Variants in SREBF2 observed in about 807,000 individuals in gnomAD.
SREBF2 encodes the protein sterol regulatory element binding transcription factor 2, also known as sterol regulatory element-binding protein 2.
In SREBF2, 55 loss-of-function variants were observed where a neutral mutation model predicts 113.1. The ratio of observed to expected loss-of-function variants is 0.49; its 90% CI spans 0.39 to 0.61. The LOEUF is 0.61. SREBF2 is among the 20% of genes least tolerant of loss of function. SREBF2 has a pLI of 0.00. For synonymous variants in SREBF2, 593 were observed against 605.7 expected, an observed-to-expected ratio of 0.98 and a Z score of 0.31; for missense variants, 1,349 against 1,487.4, an observed-to-expected ratio of 0.91 and a Z score of 1.53.
At chr22:41,863,974 T>C (rs1219457979) in intron 1 of SREBF2, among the ~76,000 whole-genome samples, 1 of 151,562 alleles carries the variant, frequency 6.6e-6, no homozygotes, top group Non-Finnish European at 1.5e-5. Flanking sequence ...AACCTCTGCC[T>C]CCTGGGTTCA....
chr22:41,905,582 G>C lies in SREBF2; in HGVS notation c.3348G>C (p.Val1116=). The C allele has an allele frequency of 3.1e-6, 5 of 1,598,494 alleles. No individual in the cohort carries two copies. Among genetic ancestry groups the C allele is most frequent in the Non-Finnish European group, 4.3e-6 (5 of 1,173,474 alleles). Residue 1116 remains valine, a synonymous_variant, in exon 19 of 19, where the codon GTG becomes GTC. Transcript: ENST00000361204. Reference sequence around the variant, plus strand: ...AAGCTGCCCGCACCCTGGAGAAGGTGGGCGACCGGCGCTCCTGCAACGACT... The same window carrying C: ...AAGCTGCCCGCACCCTGGAGAAGGTCGGCGACCGGCGCTCCTGCAACGACT... ...LAEAARTLEK[V]GDRRSCNDCQ... is the part of the protein sequence containing the mutation.
Position 41,833,533 on chromosome 22 carries a change from G to T in SREBF2, c.88+175G>T. ...CTTCCGGCGCTGCGAGCGTGAGCCC[G>T]ACCCAGCTGCGCCGCTCCGGGAGGC... On this transcript the variant is annotated intron_variant, in intron 1 of 18. Transcript: ENST00000361204. This position sits in a 1 kb window ranked among gnomAD's most constrained non-coding sequence, Gnocchi z 4.1. 2.0e-6 allele frequency: 1 copy of T among 511,550 alleles called. No individual in the cohort carries two copies. The highest frequency in any genetic ancestry group is 3.3e-6 in the Non-Finnish European group (1 of 302,434). The allele number at this position is 511,550 out of a possible 1,614,324, so 31.7% of individuals were successfully genotyped here.
intron 15 of SREBF2, 31 bp from the exon 16 acceptor site, chr22:41,900,299 C>T (rs1230317064): frequency 1.2e-5 from 20 of 1,606,868 alleles, no homozygotes; most frequent in Non-Finnish European, 1.7e-5. Context: ...CACATAGTGA[C>T]CTGCCTCTCG....
chr22:41,898,609 C>T (rs199784565), intron 14 of SREBF2, 40 bp from the exon 15 acceptor site: 3 of 1,613,384 alleles, frequency 1.9e-6, no homozygotes, highest in East Asian at 2.2e-5. Context: ...GGTCTCGTTT[C>T]TGTGGGTGCT....
At chr22:41,901,102 T>TG in intron 16 of SREBF2, 1 of 406,476 alleles carries the variant, frequency 2.5e-6, no homozygotes, top group East Asian at 7.7e-5. Context: ...CTGCCACTGT[T>TG]GGGGCCCAAG....
rs370587715 is a variant in SREBF2, at chr22:41,894,871, G to A, written c.2429G>A (p.Arg810Gln). 2.5e-6 allele frequency: 4 copies of A among 1,613,964 alleles called. No individual in the cohort carries two copies. The highest frequency in any genetic ancestry group is 1.7e-5 in the Admixed American group (1 of 60,000). The change falls in exon 13 of 19, where the codon CGA becomes CAA. Residue 810 changes from arginine to glutamine, a missense_variant. Arg to Gln is a conservative substitution (Grantham distance 43, BLOSUM62 1). Coordinates refer to ENST00000361204, the MANE Select transcript of SREBF2 (RefSeq NM_004599.4). ...HQAFCKNLLE[R>Q]AIESLVKPQA... ...GCCTTCTGCAAGAACCTGCTGGAGCGAGCTATAGAGTCCTTGGTGAAACCT... is the reference window on the plus strand; with the variant it reads ...GCCTTCTGCAAGAACCTGCTGGAGCAAGCTATAGAGTCCTTGGTGAAACCT...
rs1244981750 is a variant in SREBF2 at position 41,884,864 on chromosome 22, C to T, written c.2061C>T (p.Ala687=). The T allele has an allele frequency of 1.2e-6, 2 of 1,614,250 alleles. No individual in the cohort carries two copies. Among genetic ancestry groups the T allele is most frequent in the Admixed American group, 3.3e-5 (2 of 60,028 alleles). ...TAGGGAAGCTTCCTGCAGGATCCGC[C>T]TGTTCCGATGTACACATGGCGTTGT... ...HITGKLPAGS[A]CSDVHMALCA... is the part of the protein sequence containing the mutation. Residue 687 remains alanine (A), a synonymous_variant, in exon 11 of 19, where the codon GCC becomes GCT. Coordinates refer to ENST00000361204, the MANE Select transcript of SREBF2 (RefSeq NM_004599.4).
intron 11 of SREBF2, among the ~76,000 whole-genome samples, chr22:41,886,460 G>T (rs1470753279): frequency 1.3e-5 from 2 of 152,018 alleles, no homozygotes; most frequent in Non-Finnish European, 2.9e-5. Context: ...TAACTTCCAT[G>T]CCCCCCAAAA....
chr22:41,847,695 A>G lies in SREBF2; in HGVS notation c.88+14337A>G, dbSNP rs553837895. Among the ~76,000 whole-genome samples, 7 of 152,272 alleles carry G rather than the reference A, an allele frequency of 4.6e-5. No homozygotes were observed. The East Asian group carries it at 9.7e-4, about 21-fold the overall frequency. On this transcript the variant is annotated intron_variant, in intron 1 of 18. Coordinates refer to ENST00000361204, the MANE Select transcript of SREBF2 (RefSeq NM_004599.4). ...AAGTTACTTAGCCTCTGAGTGCCTC[A>G]TTTTCCTTACCTGTAAAGTGGAGAT...
intron 16 of SREBF2, chr22:41,901,147 C>T (rs2077462665): frequency 2.8e-6 from 1 of 362,388 alleles, no homozygotes; most frequent in Non-Finnish European, 5.5e-6. Flanking sequence ...GGGCACCCAG[C>T]TGAAAGTGGA....
chr22:41,841,515 A>C (rs1477984691), intron 1 of SREBF2, among the ~76,000 whole-genome samples: 2 of 152,160 alleles, frequency 1.3e-5, no homozygotes, highest in African/African-American at 2.4e-5. Context: ...CTTGACAAAC[A>C]TTCCCCACAT....
At chr22:41,842,507 T>A (rs1245233216) in intron 1 of SREBF2, among the ~76,000 whole-genome samples, 4 of 152,248 alleles carry the variant, frequency 2.6e-5, no homozygotes, top group Non-Finnish European at 5.9e-5. Flanking sequence ...CCAGTCCTTT[T>A]TTGATGGACA....
chr22:41,855,665 C>T (rs1569379363), intron 1 of SREBF2, among the ~76,000 whole-genome samples: 2 of 152,060 alleles, frequency 1.3e-5, no homozygotes, highest in Non-Finnish European at 1.5e-5. Context: ...GAGCCTTAAT[C>T]GGTAGTAAAT....
At chr22:41,874,114 G>A in intron 5 of SREBF2, 95 bp downstream of exon 5, 1 of 1,263,876 alleles carries the variant, frequency 7.9e-7, no homozygotes, top group Non-Finnish European at 1.1e-6. Context: ...CTCAAGGTAA[G>A]TGAATACAAG....
chr22:41,881,069 G>T (rs2077241179), intron 10 of SREBF2, 77 bp downstream of exon 10: 5 of 1,552,452 alleles, frequency 3.2e-6, no homozygotes, highest in Non-Finnish European at 4.3e-6. Context: ...TGATTTGCCA[G>T]TTCTGCACCC....
intron 16 of SREBF2, chr22:41,901,132 CAGG>C (rs1260866439): frequency 4.0e-5 from 15 of 370,494 alleles, no homozygotes; most frequent in Non-Finnish European, 7.0e-5. Flanking sequence ...TCCCAGGAAA[CAGG>C]AGGGCACCCA....
rs1309128302 is a variant in SREBF2 at position 41,905,540 on chromosome 22, G to C, written c.3306G>C (p.Arg1102=). Reference sequence around the variant, plus strand: ...CCTTCCTCTCCTCCCCGGGCCAGCGGGCAGTGCTGCTGGCCGAAGCTGCCC... The same window carrying C: ...CCTTCCTCTCCTCCCCGGGCCAGCGCGCAGTGCTGCTGGCCGAAGCTGCCC... ...PLSFLSSPGQ[R]AVLLAEAART... The change falls in exon 19 of 19, where the codon CGG becomes CGC. Residue 1102 remains arginine (R), a synonymous_variant. Coordinates refer to ENST00000361204, the MANE Select transcript of SREBF2 (RefSeq NM_004599.4). The C allele has an allele frequency of 1.3e-5, 20 of 1,589,576 alleles. No homozygotes were observed. Among genetic ancestry groups the C allele is most frequent in the African/African-American group, 2.7e-5 (2 of 74,368 alleles).
chr22:41,848,338 T>TCTC, intron 1 of SREBF2, among the ~76,000 whole-genome samples: 1 of 152,074 alleles, frequency 6.6e-6, no homozygotes, highest in Non-Finnish European at 1.5e-5. Context: ...CCGCCCACCG[T>TCTC]GGCCTCCCAA....
At chr22:41,887,547 A>T (rs2284086) in intron 11 of SREBF2, among the ~76,000 whole-genome samples, 12,115 of 152,216 alleles carry the variant, frequency 0.08, 551 homozygotes, top group East Asian at 0.15. Context: ...AAGAATCATT[A>T]TGTTGTTATG....
Sources: allele counts gnomAD v4.1 joint callset (sites outside exome capture counted in the v4.1 genomes callset), GRCh38; gene constraint gnomAD v4.1.1; non-coding constraint Gnocchi (gnomAD v3.1); transcripts MANE v1.5; gene names NCBI Gene and HGNC (gene_info 2026-07-23, HGNC 2026-07-21).